The following MME variants were observed in gnomAD, a reference collection of about 807,000 sequenced individuals.
MME encodes the protein neprilysin.
Under a neutral mutation model 113.2 loss-of-function variants are expected in MME, and 98 were observed. That is an observed-to-expected ratio of 0.87 (90% confidence interval 0.74 to 1.02). The LOEUF (loss-of-function observed/expected upper bound fraction) is 1.02. Ranked by LOEUF, MME falls within the 50% of genes least tolerant of loss-of-function variation. MME has a pLI of 0.00. For synonymous variants in MME, 292 were observed against 300.6 expected (o/e 0.97, Z 0.30); for missense variants, 836 against 896.0 (o/e 0.93, Z 0.86).
intron 17 of MME, among the ~76,000 whole-genome samples, chr3:155,162,131 A>G (rs574710056): frequency 6.6e-6 from 1 of 152,320 alleles, no homozygotes; most frequent in South Asian, 2.1e-4. Context: ...AGTCCAGCCC[A>G]GGGAGGACCC....
intron 8 of MME, 77 bp downstream of exon 8, chr3:155,118,888 G>A: frequency 1.0e-6 from 1 of 988,528 alleles, no homozygotes; most frequent in Non-Finnish European, 1.6e-6. Context: ...AAAAGATAAA[G>A]CCAAATTAAA....
intron 16 of MME, among the ~76,000 whole-genome samples, chr3:155,157,097 C>G (rs1349584576): frequency 6.6e-6 from 1 of 152,134 alleles, no homozygotes; most frequent in Non-Finnish European, 1.5e-5. Context: ...TCCCCACCCA[C>G]ATTGTTAGCT....
chr3:155,124,966 T>C (rs1354934362), intron 8 of MME, among the ~76,000 whole-genome samples: 1 of 152,206 alleles, frequency 6.6e-6, no homozygotes, highest in East Asian at 1.9e-4. Context: ...GCTTCCGGGC[T>C]GCTTTGTTTA....
intron 13 of MME, 57 bp downstream of exon 13, chr3:155,143,628 C>T: frequency 6.4e-7 from 1 of 1,574,068 alleles, no homozygotes; most frequent in East Asian, 2.3e-5. Flanking sequence ...AGTTTGTTCA[C>T]ACTGATGAGC....
rs1376707409 is a variant in MME at position 155,133,054 on chromosome 3, A to AT, written c.721-5048_721-5047insT. On this transcript the variant is annotated intron_variant, in intron 8 of 22. Transcript: ENST00000360490. ...AAACCCCGTCTAAAAAAAAAAAAAA[A>AT]AAAAAAAAATATATATATATATATA... Among the ~76,000 whole-genome samples the AT allele has an allele frequency of 1.4e-3, 118 of 86,130 alleles. 1 individual carries two copies. Among genetic ancestry groups the AT allele is most frequent in the African/African-American group, 5.1e-3 (113 of 22,346 alleles). The allele number at this position is 86,130 out of a possible 152,430, so 56.5% of individuals were successfully genotyped here.
intron 8 of MME, among the ~76,000 whole-genome samples, chr3:155,137,558 T>C (rs1720730384): frequency 1.3e-5 from 2 of 151,882 alleles, no homozygotes; most frequent in South Asian, 4.2e-4. Flanking sequence ...TACAAAAAAT[T>C]AGCTGGGTGT....
Position 155,061,193 on chromosome 3 carries a change from C to T in MME, c.-10-22965C>T, listed in dbSNP as rs149445833. ...GCCGGGCGGGCGCGGTGGCTCACGC[C>T]TGTAATCCCAGCACTTTGGGAGGCC... On this transcript the variant is annotated intron_variant, in intron 1 of 22. Transcript: ENST00000492661. Among the ~76,000 whole-genome samples the T allele has an allele frequency of 4.6e-3, 700 of 152,282 alleles. 6 individuals carry two copies. The highest frequency in any genetic ancestry group is 0.016 in the African/African-American group (679 of 41,552).
In MME at chr3:155,140,241, G is replaced by A. The variant is rs1438057093; in HGVS notation, c.906G>A (p.Lys302=). Residue 302 remains lysine (K), a synonymous_variant, in exon 10 of 23, where the codon AAG becomes AAA. Transcript: ENST00000360490. ...DRNDPMLLYN[K]MTLAQIQNNF... Reference sequence around the variant, plus strand: ...ATGATCCAATGCTTCTGTATAACAAGATGACATTGGCCCAGATCCAAAATA... The same window carrying A: ...ATGATCCAATGCTTCTGTATAACAAAATGACATTGGCCCAGATCCAAAATA... 1.2e-6 allele frequency: 2 copies of A among 1,612,818 alleles called. No homozygotes were observed. The highest frequency in any genetic ancestry group is 8.5e-7 in the Non-Finnish European group (1 of 1,179,374).
At chr3:155,158,694 T>C (rs1262575379) in intron 16 of MME, 1 of 152,110 alleles carries the variant, frequency 6.6e-6, no homozygotes, top group African/African-American at 2.4e-5. Flanking sequence ...TTTAGTCTAA[T>C]ATCCCTGGGT....
intron 3 of MME, among the ~76,000 whole-genome samples, chr3:155,110,054 T>C (rs539431490): frequency 1.3e-5 from 2 of 152,300 alleles, no homozygotes; most frequent in East Asian, 3.9e-4. Context: ...CCAACAAGAA[T>C]TGTTGGTGAT....
At chr3:155,176,168 G>T (rs1447041134) in intron 22 of MME, among the ~76,000 whole-genome samples, 1 of 152,152 alleles carries the variant, frequency 6.6e-6, no homozygotes, top group Non-Finnish European at 1.5e-5. Context: ...CCCATTAATT[G>T]CAAACAGTAA....
intron 3 of MME, among the ~76,000 whole-genome samples, chr3:155,097,359 A>G (rs955376895): frequency 7.9e-5 from 12 of 152,162 alleles, no homozygotes; most frequent in Admixed American, 5.9e-4. Context: ...TCCAAAAGAA[A>G]CCGAGAAGTA....
intron 8 of MME, among the ~76,000 whole-genome samples, chr3:155,135,864 ACT>A (rs1720581038): frequency 6.6e-6 from 1 of 151,922 alleles, no homozygotes; most frequent in South Asian, 2.1e-4. Context: ...AGTCAGATAT[ACT>A]CTTAGATATT....
At chr3:155,095,845 G>A (rs1019470431) in intron 3 of MME, among the ~76,000 whole-genome samples, 3 of 152,202 alleles carry the variant, frequency 2.0e-5, no homozygotes, top group African/African-American at 7.2e-5. Context: ...TGCTATGATG[G>A]TGATAAGATT....
upstream of MME, among the ~76,000 whole-genome samples, chr3:155,075,614 C>T (rs1714720183): frequency 6.6e-6 from 1 of 152,108 alleles, no homozygotes. Context: ...TTTTTACATA[C>T]ATAATTAACC....
intron 3 of MME, among the ~76,000 whole-genome samples, chr3:155,098,693 G>T (rs1369904996): frequency 1.3e-5 from 2 of 152,062 alleles, no homozygotes; most frequent in African/African-American, 4.8e-5. Context: ...GGAGAGGGGG[G>T]TTACTCGAGA....
At chr3:155,066,621 G>C (rs986172547) in intron 1 of MME, among the ~76,000 whole-genome samples, 1 of 152,184 alleles carries the variant, frequency 6.6e-6, no homozygotes, top group East Asian at 1.9e-4. Flanking sequence ...TATGTAATGT[G>C]TTTTCTATCA....
At chr3:155,072,679 G>A (rs946621585) in intron 1 of MME, among the ~76,000 whole-genome samples, 15 of 152,006 alleles carry the variant, frequency 9.9e-5, no homozygotes, top group Admixed American at 8.5e-4. Flanking sequence ...TCCTATCAAT[G>A]GACTTTTGTA....
intron 13 of MME, among the ~76,000 whole-genome samples, 162 bp downstream of exon 13, chr3:155,143,733 T>G (rs1251537601): frequency 1.3e-5 from 2 of 152,160 alleles, no homozygotes; most frequent in Non-Finnish European, 2.9e-5. Flanking sequence ...AAATCTTCCC[T>G]TGCCTTCCCC....
Sources: allele counts gnomAD v4.1 joint callset (sites outside exome capture counted in the v4.1 genomes callset), GRCh38; gene constraint gnomAD v4.1.1; transcripts MANE v1.5; gene names NCBI Gene and HGNC (gene_info 2026-07-23, HGNC 2026-07-21).